Variants in PREX1 observed in about 807,000 individuals in gnomAD.
PREX1 encodes phosphatidylinositol-3,4,5-trisphosphate dependent Rac exchange factor 1.
In PREX1, 41 loss-of-function variants were observed where a neutral mutation model predicts 198.3. The ratio of observed to expected loss-of-function variants is 0.21; its 90% CI spans 0.16 to 0.27. The LOEUF (loss-of-function observed/expected upper bound fraction) is 0.27. PREX1 is among the 10% of genes least tolerant of loss of function. The pLI is 1.00. For missense variants in PREX1, 1,620 were observed against 2,200.7 expected (o/e 0.74, Z 5.28); for synonymous variants, 843 against 887.2 (o/e 0.95, Z 0.89).
At chr20:48,866,798 A>C in the PREX1 span, among the ~76,000 whole-genome samples, 2 of 152,120 alleles carry the variant, frequency 1.3e-5, no homozygotes, top group South Asian at 4.1e-4. Context: ...GTATGGTGGC[A>C]CTTGCCTATG....
At chr20:48,793,821 A>G (rs1038425688) in intron 1 of PREX1, among the ~76,000 whole-genome samples, 4 of 152,260 alleles carry the variant, frequency 2.6e-5, no homozygotes, top group Admixed American at 1.3e-4. Context: ...AGTTCTGGCC[A>G]TTAATAAATG....
At chr20:48,826,752 G>A (rs866447682) in intron 1 of PREX1, among the ~76,000 whole-genome samples, 3 of 152,152 alleles carry the variant, frequency 2.0e-5, no homozygotes, top group East Asian at 3.8e-4. Flanking sequence ...CCAGCTACTC[G>A]GGAGGCTGAG....
At chr20:48,797,378 G>A (rs1382764427) in intron 1 of PREX1, among the ~76,000 whole-genome samples, 1 of 134,106 alleles carries the variant, frequency 7.5e-6, no homozygotes, top group East Asian at 2.2e-4. Context: ...CATTCATGTT[G>A]GAGGCTGGCC....
At chr20:48,824,962 G>A (rs1298811906) in intron 1 of PREX1, among the ~76,000 whole-genome samples, 1 of 152,152 alleles carries the variant, frequency 6.6e-6, no homozygotes, top group African/African-American at 2.4e-5. Context: ...AAAGCAGGGA[G>A]GGATTACCGT....
At chr20:48,831,403 TG>T (rs1344166742), upstream of PREX1, among the ~76,000 whole-genome samples, 3 of 152,152 alleles carry the variant, frequency 2.0e-5, no homozygotes, top group Admixed American at 2.0e-4. Flanking sequence ...GCTAGCATGG[TG>T]GGCATCTATA....
intron 1 of PREX1, among the ~76,000 whole-genome samples, chr20:48,755,576 G>A (rs368705155): frequency 1.3e-5 from 2 of 152,154 alleles, no homozygotes; most frequent in Admixed American, 6.5e-5. Flanking sequence ...TTGCAAATGC[G>A]ATGCCTGGAA....
chr20:48,685,339 G>T (rs947451717), intron 10 of PREX1, among the ~76,000 whole-genome samples: 1 of 152,202 alleles, frequency 6.6e-6, no homozygotes, highest in South Asian at 2.1e-4. Flanking sequence ...TTTAAATGTG[G>T]CATCTAAGAG....
intron 5 of PREX1, among the ~76,000 whole-genome samples, chr20:48,719,519 C>A (rs1458611887): frequency 6.6e-6 from 1 of 152,116 alleles, no homozygotes; most frequent in Non-Finnish European, 1.5e-5. Context: ...TCTCTGACTT[C>A]CTGTGCTTTC....
At chr20:48,860,159 T>C in the PREX1 span, among the ~76,000 whole-genome samples, 2 of 152,362 alleles carry the variant, frequency 1.3e-5, no homozygotes, top group Admixed American at 6.5e-5. Flanking sequence ...ATTAACCAAG[T>C]GTGGCATCTA....
chr20:48,690,648 G>A (rs1441986896), intron 9 of PREX1, among the ~76,000 whole-genome samples: 4 of 152,178 alleles, frequency 2.6e-5, no homozygotes, highest in Non-Finnish European at 5.9e-5. Flanking sequence ...CTCAGGCGGA[G>A]GGCACAGGGC....
chr20:48,812,310 GAGGAATGGGTAAATAACA>G (rs1196923404), intron 1 of PREX1, among the ~76,000 whole-genome samples: 1 of 134,270 alleles, frequency 7.4e-6, no homozygotes, highest in Admixed American at 7.6e-5. Flanking sequence ...AATAATATAA[GAGGAATGGGTAAATAACA>G]TAAGAGGAAT....
chr20:48,864,466 T>C, the PREX1 span, among the ~76,000 whole-genome samples: 3 of 152,370 alleles, frequency 2.0e-5, no homozygotes, highest in South Asian at 6.2e-4. Flanking sequence ...TCAAAAAACT[T>C]TGTGTACTTT....
chr20:48,788,161 T>C (rs527728121), intron 1 of PREX1, among the ~76,000 whole-genome samples: 6 of 152,270 alleles, frequency 3.9e-5, no homozygotes, highest in African/African-American at 1.4e-4. Flanking sequence ...GCCGGGAACA[T>C]TTTGCTGCTA....
intron 1 of PREX1, among the ~76,000 whole-genome samples, chr20:48,816,776 C>T (rs899036359): frequency 6.6e-6 from 1 of 152,176 alleles, no homozygotes; most frequent in Non-Finnish European, 1.5e-5. Flanking sequence ...ACACCCTCCT[C>T]GCTCCAAGCA....
At chr20:48,809,086 A>G (rs987742536) in intron 1 of PREX1, among the ~76,000 whole-genome samples, 2 of 152,206 alleles carry the variant, frequency 1.3e-5, no homozygotes, top group African/African-American at 4.8e-5. Context: ...TTGGGGGGCT[A>G]TGTTGCTTGG....
intron 3 of PREX1, among the ~76,000 whole-genome samples, chr20:48,740,921 C>G (rs2090078652): frequency 6.6e-6 from 1 of 152,140 alleles, no homozygotes; most frequent in Admixed American, 6.5e-5. Context: ...TTGACAATTA[C>G]CTTCTATTTA....
At chr20:48,728,198 TG>T (rs1314758322) in intron 4 of PREX1, among the ~76,000 whole-genome samples, 2 of 152,198 alleles carry the variant, frequency 1.3e-5, no homozygotes, top group East Asian at 1.9e-4. Flanking sequence ...TTCCAAGCAC[TG>T]GGGGGCTGCC....
chr20:48,697,806 T>C (rs1397208503), intron 7 of PREX1, among the ~76,000 whole-genome samples: 1 of 152,148 alleles, frequency 6.6e-6, no homozygotes, highest in Non-Finnish European at 1.5e-5. Flanking sequence ...GAGGTGGGTT[T>C]TTAAAACACT....
At chr20:48,726,440 G>A (rs1168982994) in intron 4 of PREX1, 49 bp from the exon 5 acceptor site, 2 of 1,365,414 alleles carry the variant, frequency 1.5e-6, no homozygotes, top group Admixed American at 3.7e-5. Context: ...GATAGCACAG[G>A]GACATAGCCA....
Sources: gnomAD v4.1 joint callset for allele counts (sites outside exome capture counted in the v4.1 genomes callset) on GRCh38, gnomAD v4.1.1 for gene constraint, MANE v1.5 for transcripts, NCBI Gene and HGNC (gene_info 2026-07-23, HGNC 2026-07-21) for gene names.